TRPM3: variants seen among roughly 807,000 people sequenced by gnomAD.
TRPM3 encodes long transient receptor potential channel 3.
Under a neutral mutation model 181.2 loss-of-function variants are expected in TRPM3, and 77 were observed. The ratio of observed to expected loss-of-function variants is 0.42; its 90% CI spans 0.35 to 0.51. The LOEUF is 0.51. Ranked by LOEUF, TRPM3 falls within the 20% of genes least tolerant of loss-of-function variation. The pLI is 0.01. For missense variants in TRPM3, 1,759 were observed against 2,196.7 expected (o/e 0.80, Z 3.98); for synonymous variants, 745 against 796.4 (o/e 0.94, Z 1.09).
In TRPM3 at chr9:71,002,297, C is replaced by T. The variant is rs545105797; in HGVS notation, c.177+118881G>A. ...TCATGTACTAGGTCACTGTTGTTTA[C>T]GCTGCAAGCAATGATCAGTTGCTAG... On this transcript the variant is annotated intron_variant, in intron 1 of 25. Transcript: ENST00000677713. Among the ~76,000 whole-genome samples, 32 of 152,288 alleles carry T rather than the reference C, an allele frequency of 2.1e-4. No individual in the cohort carries two copies. The East Asian group carries it at 4.2e-3, about 20-fold the overall frequency.
intron 1 of TRPM3, among the ~76,000 whole-genome samples, chr9:71,393,022 G>A (rs922735834): frequency 6.6e-6 from 1 of 152,152 alleles, no homozygotes; most frequent in African/African-American, 2.4e-5. Context: ...AGGAAGGAAT[G>A]TAAGAAACGA....
intron 1 of TRPM3, among the ~76,000 whole-genome samples, chr9:71,337,926 C>T (rs2090674695): frequency 6.6e-6 from 1 of 152,094 alleles, no homozygotes; most frequent in South Asian, 2.1e-4. Flanking sequence ...ACACCAGGCC[C>T]TGTTGCAGGG....
At chr9:70,695,298 T>A (rs2069993587) in intron 8 of TRPM3, among the ~76,000 whole-genome samples, 1 of 152,228 alleles carries the variant, frequency 6.6e-6, no homozygotes. Context: ...ATAAGTGAAA[T>A]AAGGATGACT....
At chr9:70,576,813 G>A (rs13290576) in intron 22 of TRPM3, among the ~76,000 whole-genome samples, 7,255 of 152,072 alleles carry the variant, frequency 0.048, 322 homozygotes, top group East Asian at 0.15. Context: ...ACACCCGGCC[G>A]CTGCTATAGA....
chr9:70,536,889 T>C lies in TRPM3; in HGVS notation c.4224A>G (p.Pro1408=), dbSNP rs1363110731. The part of the protein sequence containing the change: ...TLAIVPDSRR[P]SSCIDIYVSA... ...AGACATAGATGTCTATACACGATGA[T>C]GGTCTTCTGGAATCAGGAACAATGG... The change falls in exon 26 of 26, where the codon CCA becomes CCG. Residue 1408 remains proline, a synonymous_variant. Coordinates refer to ENST00000677713, the MANE Select transcript of TRPM3 (RefSeq NM_001366145.2). 1 of 1,614,212 alleles carries C rather than the reference T, an allele frequency of 6.2e-7. No individual in the cohort carries two copies.
rs1393783876 is a variant in TRPM3, at chr9:70,620,227, G to A, written c.1978C>T (p.Arg660Trp). The A allele has an allele frequency of 8.7e-6, 14 of 1,614,206 alleles. No individual in the cohort carries two copies. Among genetic ancestry groups the A allele is most frequent in the Non-Finnish European group, 1.1e-5 (13 of 1,180,038 alleles). The change falls in exon 16 of 26, where the codon CGG (arginine) becomes TGG (tryptophan). Residue 660 changes from arginine (R) to tryptophan (W), a missense_variant. Arg to Trp is a moderately radical substitution (Grantham distance 101). This residue lies in a region of TRPM3 where 737 missense variants were observed against 957.4 expected (regional missense o/e 0.77). Transcript: ENST00000677713. ...ELMVWAVLMK[R>W]QKMALFFWQH... Reference sequence around the variant, plus strand: ...CAGAAGAACAGGGCCATCTTCTGCCGCTTCATGAGAACAGCCCACACCATG... The same window carrying A: ...CAGAAGAACAGGGCCATCTTCTGCCACTTCATGAGAACAGCCCACACCATG...
intron 22 of TRPM3, among the ~76,000 whole-genome samples, chr9:70,582,284 C>T (rs2056057718): frequency 6.6e-6 from 1 of 151,966 alleles, no homozygotes; most frequent in South Asian, 2.1e-4. Context: ...AGCTTCTTTT[C>T]ATCATCTTGA....
chr9:71,111,606 C>T (rs1469126695), intron 1 of TRPM3, among the ~76,000 whole-genome samples: 1 of 152,156 alleles, frequency 6.6e-6, no homozygotes, highest in Admixed American at 6.6e-5. Flanking sequence ...AGTGTTGAGG[C>T]TGAGAAATCC....
chr9:71,169,360 A>G (rs1209183771), intron 1 of TRPM3, among the ~76,000 whole-genome samples: 2 of 152,210 alleles, frequency 1.3e-5, no homozygotes, highest in Non-Finnish European at 2.9e-5. Flanking sequence ...TTGATTCTAC[A>G]TAAGAAGAGA....
At chr9:71,129,227 T>C (rs965542622) in intron 1 of TRPM3, among the ~76,000 whole-genome samples, 2 of 152,164 alleles carry the variant, frequency 1.3e-5, no homozygotes, top group Non-Finnish European at 1.5e-5. Flanking sequence ...ATGGGAGGGA[T>C]TAAATGATTT....
intron 1 of TRPM3, among the ~76,000 whole-genome samples, chr9:71,050,123 T>C (rs955283429): frequency 2.6e-5 from 4 of 152,210 alleles, no homozygotes; most frequent in African/African-American, 9.6e-5. Flanking sequence ...TTGTCTTCTA[T>C]GAAGTGCTCC....
At chr9:70,613,059 C>A (rs996641278) in intron 18 of TRPM3, among the ~76,000 whole-genome samples, 1 of 152,128 alleles carries the variant, frequency 6.6e-6, no homozygotes, top group Non-Finnish European at 1.5e-5. Context: ...AAAACAAAAG[C>A]AAAAACCTGT....
intron 1 of TRPM3, among the ~76,000 whole-genome samples, chr9:71,268,030 A>G (rs1273000695): frequency 6.6e-6 from 1 of 152,222 alleles, no homozygotes; most frequent in Admixed American, 6.5e-5. Flanking sequence ...CACAGAACAA[A>G]TATGCTGGGA....
intron 1 of TRPM3, among the ~76,000 whole-genome samples, chr9:71,008,279 C>T (rs1016749708): frequency 1.3e-5 from 2 of 151,934 alleles, no homozygotes; most frequent in African/African-American, 2.4e-5. Flanking sequence ...GTAATATACT[C>T]CCATTAAAGA....
At chr9:71,018,276 G>A (rs2097802776) in intron 1 of TRPM3, among the ~76,000 whole-genome samples, 2 of 150,636 alleles carry the variant, frequency 1.3e-5, no homozygotes, top group Admixed American at 6.6e-5. Flanking sequence ...AAGAAGCTAG[G>A]GGAAAAAAAG....
chr9:71,053,092 GAAAAAAAAA>G (rs36015552), intron 1 of TRPM3, among the ~76,000 whole-genome samples: 20 of 62,464 alleles, frequency 3.2e-4, no homozygotes, highest in Admixed American at 1.4e-3. Context: ...CCATCCTAAG[GAAAAAAAAA>G]AAAAAAAAAA....
At chr9:71,219,903 T>A (rs1329865361) in intron 1 of TRPM3, among the ~76,000 whole-genome samples, 2 of 152,212 alleles carry the variant, frequency 1.3e-5, no homozygotes, top group African/African-American at 4.8e-5. Context: ...GTATGTGTGT[T>A]CAAAGCTACA....
At chr9:71,280,872 A>G (rs909591493) in intron 1 of TRPM3, among the ~76,000 whole-genome samples, 2 of 152,220 alleles carry the variant, frequency 1.3e-5, no homozygotes, top group Non-Finnish European at 2.9e-5. Flanking sequence ...TCTGATCAAT[A>G]TATCTACATT....
In TRPM3 at chr9:71,424,279, T is replaced by G. The variant is rs1361717124; in HGVS notation, c.183+22374A>C. ...GGTCAGGAACTGCCATTTATTACCT[T>G]GTGGCAAGCCATTTTGCGGCACTTT... On this transcript the variant is annotated intron_variant, in intron 1 of 24. Coordinates refer to the TRPM3 transcript ENST00000357533. 2.6e-5 allele frequency among the ~76,000 whole-genome samples: 4 copies of G among 152,292 alleles called. 1 individual carries two copies. Among genetic ancestry groups the G allele is most frequent in the East Asian group, 1.9e-4 (1 of 5,178 alleles).
Sources: gnomAD v4.1 joint callset for allele counts (sites outside exome capture counted in the v4.1 genomes callset) on GRCh38, gnomAD v4.1.1 for gene constraint, gnomAD v4.1.1 regional missense constraint, MANE v1.5 for transcripts, NCBI Gene and HGNC (gene_info 2026-07-23, HGNC 2026-07-21) for gene names.